GLRA2: variants seen among roughly 807,000 people sequenced by gnomAD.
The protein encoded by GLRA2 is glycine receptor alpha 2.
GLRA2 carries 11 observed loss-of-function variants against 31.6 expected under a neutral mutation model. The ratio of observed to expected loss-of-function variants is 0.35; its 90% CI spans 0.22 to 0.58. The LOEUF (loss-of-function observed/expected upper bound fraction) is 0.58, where lower values mean the gene tolerates loss of function less well. Among genes scored for constraint, GLRA2 ranks in the 20% least tolerant of loss-of-function variants. The pLI is 0.84. For synonymous variants in GLRA2, 132 were observed against 134.0 expected (o/e 0.99, Z 0.10); for missense variants, 212 against 351.8 (o/e 0.60, Z 3.18).
In GLRA2 at chrX:14,684,703, A is replaced by G. The variant is rs191163147; in HGVS notation, c.931-6007A>G. Among the ~76,000 whole-genome samples the G allele has an allele frequency of 8.8e-3, 990 of 111,927 alleles. 17 individuals carry two copies. The highest frequency in any genetic ancestry group is 0.031 in the African/African-American group (951 of 30,753). ...TTTGCTGAAGTTGCTTATCAGCTTA[A>G]GGAGATTTTTGGCTGAGACCATGGG... On this transcript the variant is annotated intron_variant, in intron 7 of 8. Coordinates refer to ENST00000218075, the MANE Select transcript of GLRA2 (RefSeq NM_002063.4).
chrX:14,663,558 G>A (rs1420524660), intron 7 of GLRA2, among the ~76,000 whole-genome samples: 1 of 110,003 alleles, frequency 9.1e-6, no homozygotes, highest in African/African-American at 3.3e-5. Context: ...CTGAAGACAA[G>A]TCTCACTTAG....
At chrX:14,705,505 G>A (rs2091608516) in intron 8 of GLRA2, among the ~76,000 whole-genome samples, 1 of 111,974 alleles carries the variant, frequency 8.9e-6, no homozygotes, top group Admixed American at 9.4e-5. Context: ...ATAGTGTCAA[G>A]TTTGAAAAAC....
intron 7 of GLRA2, among the ~76,000 whole-genome samples, chrX:14,622,205 GTTGT>G (rs1049351721): frequency 2.7e-5 from 3 of 111,866 alleles, no homozygotes; most frequent in African/African-American, 9.7e-5. Context: ...TGTTGATGGG[GTTGT>G]TTGATTTTTT....
chrX:14,537,423 G>C (rs1462936699), intron 2 of GLRA2, among the ~76,000 whole-genome samples: 1 of 111,176 alleles, frequency 9.0e-6, no homozygotes, highest in Non-Finnish European at 1.9e-5. Flanking sequence ...TTCTAGAGAG[G>C]TAAAGCTCAA....
intron 7 of GLRA2, among the ~76,000 whole-genome samples, chrX:14,671,558 G>T (rs2091093313): frequency 8.9e-6 from 1 of 111,812 alleles, no homozygotes; most frequent in Non-Finnish European, 1.9e-5. Context: ...GAAATCCAGG[G>T]TCTTTATCCA....
At chrX:14,713,160 C>T (rs2091737129) in intron 8 of GLRA2, among the ~76,000 whole-genome samples, 1 of 112,075 alleles carries the variant, frequency 8.9e-6, no homozygotes, top group Admixed American at 9.4e-5. Flanking sequence ...AGTTAGTAAA[C>T]AAGCAAATGC....
chrX:14,581,212 A>G lies in GLRA2; in HGVS notation c.300A>G (p.Gln100=), dbSNP rs1396013389. 4 of 1,187,985 alleles carry G rather than the reference A, an allele frequency of 3.4e-6. No homozygotes were observed. The East Asian group carries it at 8.9e-5, about 26-fold the overall frequency. The part of the protein sequence containing the change: ...MDYRVNIFLR[Q]QWNDSRLAYS... ...ACCGAGTGAATATTTTTCTGAGACA[A>G]CAGTGGAATGATTCACGGCTGGCGT... Residue 100 remains glutamine (Q), a synonymous_variant, in exon 4 of 9, where the codon CAA becomes CAG. Coordinates refer to ENST00000218075, the MANE Select transcript of GLRA2 (RefSeq NM_002063.4).
At chrX:14,539,472 C>T (rs1203713384) in intron 2 of GLRA2, among the ~76,000 whole-genome samples, 1 of 111,529 alleles carries the variant, frequency 9.0e-6, no homozygotes, top group Admixed American at 9.5e-5. Flanking sequence ...AGCATATGAG[C>T]AAAAGGCATA....
chrX:14,706,252 A>C (rs2091619161), intron 8 of GLRA2, among the ~76,000 whole-genome samples: 2 of 111,635 alleles, frequency 1.8e-5, no homozygotes, highest in Admixed American at 9.5e-5. Context: ...GCCCTACCCC[A>C]GACGTGTGGA....
intron 4 of GLRA2, among the ~76,000 whole-genome samples, chrX:14,584,523 T>G (rs1432098141): frequency 4.5e-5 from 5 of 112,212 alleles, no homozygotes; most frequent in African/African-American, 1.6e-4. Flanking sequence ...AATTCCATTC[T>G]TATACCTAGT....
At chrX:14,688,018 C>G (rs1373737706) in intron 7 of GLRA2, among the ~76,000 whole-genome samples, 3 of 112,397 alleles carry the variant, frequency 2.7e-5, no homozygotes, top group African/African-American at 6.5e-5. Flanking sequence ...TTCCTTCTAA[C>G]AGTGAGGACC....
the GLRA2 span, among the ~76,000 whole-genome samples, chrX:14,470,318 C>T: frequency 4.5e-5 from 5 of 111,733 alleles, no homozygotes; most frequent in Non-Finnish European, 9.4e-5. Context: ...ATTCTTAGTA[C>T]AATATTCTAA....
At chrX:14,459,159 G>A in the GLRA2 span, among the ~76,000 whole-genome samples, 2 of 111,517 alleles carry the variant, frequency 1.8e-5, no homozygotes, top group African/African-American at 6.5e-5. Flanking sequence ...TTTTTGTCAG[G>A]TTTGTCAAAG....
intron 2 of GLRA2, among the ~76,000 whole-genome samples, chrX:14,571,588 C>T (rs1317691816): frequency 3.6e-5 from 4 of 111,368 alleles, no homozygotes; most frequent in Non-Finnish European, 5.7e-5. Context: ...CTTTATGCCT[C>T]AATTTTTCTT....
At chrX:14,455,720 C>T in the GLRA2 span, among the ~76,000 whole-genome samples, 6 of 111,599 alleles carry the variant, frequency 5.4e-5, no homozygotes, top group Admixed American at 9.5e-5. Context: ...TCACTACTTA[C>T]GAATCATTTT....
At chrX:14,592,939 A>C (rs1471337554) in intron 4 of GLRA2, among the ~76,000 whole-genome samples, 1 of 112,228 alleles carries the variant, frequency 8.9e-6, no homozygotes, top group Non-Finnish European at 1.9e-5. Context: ...AGCAGAGTTG[A>C]AGAGCTAGTC....
intron 7 of GLRA2, among the ~76,000 whole-genome samples, chrX:14,627,601 C>G (rs2090602343): frequency 9.0e-6 from 1 of 111,443 alleles, no homozygotes; most frequent in African/African-American, 3.3e-5. Context: ...TGAGTAATCA[C>G]AGTAAATCCT....
At chrX:14,649,626 A>T (rs1406159161) in intron 7 of GLRA2, among the ~76,000 whole-genome samples, 1 of 112,072 alleles carries the variant, frequency 8.9e-6, no homozygotes, top group Non-Finnish European at 1.9e-5. Flanking sequence ...GGCCACTTTA[A>T]ATTAATTGTA....
the GLRA2 span, among the ~76,000 whole-genome samples, chrX:14,482,291 G>A: frequency 8.9e-6 from 1 of 111,825 alleles, no homozygotes; most frequent in Non-Finnish European, 1.9e-5. Context: ...TGCATATTTA[G>A]TATGCATAAT....
Sources: allele counts gnomAD v4.1 joint callset (sites outside exome capture counted in the v4.1 genomes callset), GRCh38; gene constraint gnomAD v4.1.1; transcripts MANE v1.5; gene names NCBI Gene and HGNC (gene_info 2026-07-23, HGNC 2026-07-21).